FSTL5: variants seen among roughly 807,000 people sequenced by gnomAD.
The protein encoded by FSTL5 is follistatin-related protein 5.
Under a neutral mutation model 89.1 loss-of-function variants are expected in FSTL5, and 62 were observed. That is an observed-to-expected ratio of 0.70 (90% CI 0.57 to 0.86). FSTL5 has a LOEUF of 0.86. Ranked by LOEUF, FSTL5 falls within the 40% of genes least tolerant of loss-of-function variation. The probability of loss-of-function intolerance (pLI) is 0.00; values close to 1 mark genes in which losing one functional copy is unlikely to be tolerated. For synonymous variants in FSTL5, 383 were observed against 346.2 expected, an observed-to-expected ratio of 1.11 and a Z score of -1.18; for missense variants, 1,057 against 1,001.6, an observed-to-expected ratio of 1.06 and a Z score of -0.75.
intron 8 of FSTL5, among the ~76,000 whole-genome samples, chr4:161,561,042 G>T (rs1168489058): frequency 4.0e-5 from 6 of 151,884 alleles, no homozygotes; most frequent in Non-Finnish European, 8.8e-5. Context: ...ACAGATGTGA[G>T]TAATGCATTG....
At chr4:161,617,277 C>A (rs1734908141) in intron 7 of FSTL5, among the ~76,000 whole-genome samples, 1 of 151,834 alleles carries the variant, frequency 6.6e-6, no homozygotes, top group African/African-American at 2.4e-5. Flanking sequence ...GGTGATGTCA[C>A]AAAGATATGT....
At chr4:161,840,698 A>G (rs1731182533) in intron 4 of FSTL5, among the ~76,000 whole-genome samples, 1 of 152,176 alleles carries the variant, frequency 6.6e-6, no homozygotes, top group African/African-American at 2.4e-5. Context: ...CAAATGTTGT[A>G]AATTTCTTTC....
At chr4:161,749,864 G>A (rs1360746686) in intron 6 of FSTL5, among the ~76,000 whole-genome samples, 2 of 151,700 alleles carry the variant, frequency 1.3e-5, no homozygotes, top group Admixed American at 6.6e-5. Context: ...CCAAAAAAGG[G>A]AGGGTGTGAG....
At chr4:161,890,976 A>T (rs554152632) in intron 4 of FSTL5, among the ~76,000 whole-genome samples, 1 of 151,538 alleles carries the variant, frequency 6.6e-6, no homozygotes, top group Non-Finnish European at 1.5e-5. Context: ...CTGAGTTCAT[A>T]AAAAAAAATT....
At chr4:161,876,761 T>C (rs1732455420) in intron 4 of FSTL5, among the ~76,000 whole-genome samples, 2 of 151,856 alleles carry the variant, frequency 1.3e-5, no homozygotes, top group African/African-American at 4.8e-5. Context: ...GAGAAAAATA[T>C]AGAGGTTTTA....
At chr4:162,143,825 AAC>A in intron 1 of FSTL5, among the ~76,000 whole-genome samples, 1 of 86,430 alleles carries the variant, frequency 1.2e-5, no homozygotes, top group African/African-American at 4.0e-5. Context: ...CACACATACA[AAC>A]ACACACGGCA....
chr4:161,784,691 G>A (rs892379125), intron 4 of FSTL5, among the ~76,000 whole-genome samples: 3 of 151,896 alleles, frequency 2.0e-5, no homozygotes, highest in Middle Eastern at 3.4e-3. Flanking sequence ...TCAGGAGATC[G>A]AGACCATCCT....
intron 3 of FSTL5, among the ~76,000 whole-genome samples, chr4:161,949,944 T>C: frequency 6.6e-6 from 1 of 152,280 alleles, no homozygotes; most frequent in Admixed American, 6.5e-5. Flanking sequence ...CTACATTTGC[T>C]TCTATTAATT....
chr4:162,110,885 A>G (rs1055199283), intron 2 of FSTL5, among the ~76,000 whole-genome samples: 1 of 151,796 alleles, frequency 6.6e-6, no homozygotes, highest in Non-Finnish European at 1.5e-5. Context: ...TGTTTATCTT[A>G]TAACAAAGCT....
chr4:162,160,331 T>G (rs996038345), intron 1 of FSTL5, among the ~76,000 whole-genome samples: 2 of 151,804 alleles, frequency 1.3e-5, no homozygotes, highest in African/African-American at 4.8e-5. Flanking sequence ...GGTTACCAAT[T>G]TAATTGGAAA....
chr4:161,974,624 C>T (rs1160924599), intron 3 of FSTL5, among the ~76,000 whole-genome samples: 14 of 123,322 alleles, frequency 1.1e-4, no homozygotes, highest in African/African-American at 4.1e-4. Flanking sequence ...AAGATTTAAA[C>T]GTTAGACCTA....
At chr4:161,712,190 T>A (rs1738804728) in intron 6 of FSTL5, among the ~76,000 whole-genome samples, 3 of 152,190 alleles carry the variant, frequency 2.0e-5, no homozygotes, top group African/African-American at 7.2e-5. Flanking sequence ...AAATTGGTTG[T>A]AGGAATGGAT....
chr4:161,777,995 G>C (rs183478863), intron 4 of FSTL5, among the ~76,000 whole-genome samples: 242 of 152,250 alleles, frequency 1.6e-3, no homozygotes, highest in Middle Eastern at 6.8e-3. Flanking sequence ...TCGGGAGGCT[G>C]AGGCAGGAGA....
intron 4 of FSTL5, among the ~76,000 whole-genome samples, chr4:161,780,058 G>A (rs1386850680): frequency 6.7e-6 from 1 of 148,756 alleles, no homozygotes; most frequent in South Asian, 2.1e-4. Context: ...ATGTCCCTCG[G>A]AGTCCTTCAA....
At chr4:161,946,395 A>G in intron 3 of FSTL5, among the ~76,000 whole-genome samples, 1 of 152,216 alleles carries the variant, frequency 6.6e-6, no homozygotes, top group East Asian at 1.9e-4. Flanking sequence ...TCTATAATGT[A>G]TAATTATGTT....
At chr4:161,460,948 T>C (rs1257458939) in intron 13 of FSTL5, among the ~76,000 whole-genome samples, 4 of 151,176 alleles carry the variant, frequency 2.6e-5, no homozygotes, top group East Asian at 3.9e-4. Context: ...TTGCATACTC[T>C]GTATGTATTG....
chr4:162,003,087 T>C (rs1008718091), intron 3 of FSTL5, among the ~76,000 whole-genome samples: 3 of 152,036 alleles, frequency 2.0e-5, no homozygotes, highest in African/African-American at 4.8e-5. Context: ...GAGCTTGCAG[T>C]GAGCCGAGAT....
At chr4:161,761,425 G>A (rs760784350) in intron 5 of FSTL5, among the ~76,000 whole-genome samples, 2 of 152,140 alleles carry the variant, frequency 1.3e-5, no homozygotes, top group Non-Finnish European at 2.9e-5. Context: ...TATGTACAAT[G>A]TTAGCATTGT....
At chr4:161,974,145 G>C (rs1735564090) in intron 3 of FSTL5, among the ~76,000 whole-genome samples, 1 of 152,104 alleles carries the variant, frequency 6.6e-6, no homozygotes, top group Non-Finnish European at 1.5e-5. Context: ...CATGCTCATG[G>C]GTAGGAAGAA....
Sources: gnomAD v4.1 joint callset for allele counts (sites outside exome capture counted in the v4.1 genomes callset) on GRCh38, gnomAD v4.1.1 for gene constraint, MANE v1.5 for transcripts, NCBI Gene and HGNC (gene_info 2026-07-23, HGNC 2026-07-21) for gene names.